BLOC1S5: variants seen among roughly 807,000 people sequenced by gnomAD.
BLOC1S5 encodes biogenesis of lysosomal organelles complex 1 subunit 5.
BLOC1S5 carries 27 observed loss-of-function variants against 24.3 expected under a neutral mutation model. That is an observed-to-expected ratio of 1.11 (90% confidence interval 0.82 to 1.53). The LOEUF is 1.53. Among genes scored for constraint, BLOC1S5 ranks in the 40% most tolerant of loss-of-function variants. The pLI is 0.00. For synonymous variants in BLOC1S5, 84 were observed against 74.5 expected, an observed-to-expected ratio of 1.13 and a Z score of -0.66; for missense variants, 239 against 229.4, an observed-to-expected ratio of 1.04 and a Z score of -0.27.
intron 2 of BLOC1S5, among the ~76,000 whole-genome samples, chr6:8,049,332 T>C (rs539877230): frequency 5.2e-4 from 78 of 150,684 alleles, no homozygotes; most frequent in African/African-American, 1.7e-3. Context: ...GATCGCGCCA[T>C]TGCACTCCAG....
intron 3 of BLOC1S5, among the ~76,000 whole-genome samples, chr6:8,039,448 T>A (rs1723680461): frequency 6.6e-6 from 1 of 152,196 alleles, no homozygotes; most frequent in South Asian, 2.1e-4. Flanking sequence ...ATAATTTGAA[T>A]GTTTTTAACA....
intron 4 of BLOC1S5, among the ~76,000 whole-genome samples, chr6:8,020,492 C>T (rs140531871): frequency 3.3e-4 from 51 of 152,330 alleles, no homozygotes; most frequent in African/African-American, 1.2e-3. Flanking sequence ...AATTCATTTC[C>T]CTAAGCTAGT....
At chr6:8,037,532 G>A (rs1763528141) in intron 3 of BLOC1S5, among the ~76,000 whole-genome samples, 1 of 152,226 alleles carries the variant, frequency 6.6e-6, no homozygotes, top group East Asian at 1.9e-4. Flanking sequence ...TGCCATTAAA[G>A]TGACAATAAT....
intron 2 of BLOC1S5, among the ~76,000 whole-genome samples, chr6:8,047,746 C>T (rs536248887): frequency 2.0e-5 from 3 of 152,104 alleles, no homozygotes; most frequent in African/African-American, 4.8e-5. Context: ...GTAAATTAGT[C>T]GTTAGAACTA....
chr6:8,053,548 C>T (rs1764205319), intron 2 of BLOC1S5, among the ~76,000 whole-genome samples: 1 of 152,200 alleles, frequency 6.6e-6, no homozygotes. Flanking sequence ...GCTTTTTAGA[C>T]ATAATGCTAC....
chr6:8,041,402 T>C, intron 2 of BLOC1S5, 134 bp from the exon 3 acceptor site: 1 of 823,904 alleles, frequency 1.2e-6, no homozygotes. Context: ...AACCTCCGCC[T>C]CCTGGGTTCA....
chr6:8,023,461 G>A (rs1762995104), intron 4 of BLOC1S5, among the ~76,000 whole-genome samples: 1 of 152,130 alleles, frequency 6.6e-6, no homozygotes, highest in African/African-American at 2.4e-5. Context: ...GTGGTGGCGT[G>A]CGCCTGTAAT....
At chr6:8,043,636 T>C (rs1323798788) in intron 2 of BLOC1S5, among the ~76,000 whole-genome samples, 1 of 152,236 alleles carries the variant, frequency 6.6e-6, no homozygotes, top group Non-Finnish European at 1.5e-5. Flanking sequence ...AAGGGGACTG[T>C]AATAGAAAAA....
intron 4 of BLOC1S5, among the ~76,000 whole-genome samples, chr6:8,024,925 A>G (rs1050721783): frequency 6.6e-5 from 10 of 152,244 alleles, no homozygotes; most frequent in Non-Finnish European, 1.0e-4. Flanking sequence ...CAGGGAAGCA[A>G]CACCAGACAT....
intron 2 of BLOC1S5, among the ~76,000 whole-genome samples, chr6:8,045,211 T>G (rs1046677672): frequency 1.3e-5 from 2 of 152,210 alleles, no homozygotes; most frequent in African/African-American, 4.8e-5. Flanking sequence ...GCTTGGGCTG[T>G]GAATTCAGAG....
intron 2 of BLOC1S5, among the ~76,000 whole-genome samples, chr6:8,044,093 C>T (rs1763786685): frequency 6.6e-6 from 1 of 151,942 alleles, no homozygotes; most frequent in Non-Finnish European, 1.5e-5. Flanking sequence ...ACAAGCCTGG[C>T]CAACACGGTG....
At chr6:8,039,713 T>C (rs1763614829) in intron 3 of BLOC1S5, among the ~76,000 whole-genome samples, 1 of 151,992 alleles carries the variant, frequency 6.6e-6, no homozygotes, top group African/African-American at 2.4e-5. Context: ...AATGAACAAA[T>C]TACTAGTGAG....
intron 2 of BLOC1S5, among the ~76,000 whole-genome samples, chr6:8,051,232 T>A (rs138234413): frequency 2.0e-5 from 3 of 149,464 alleles, no homozygotes; most frequent in Admixed American, 6.7e-5. Context: ...GATAAGAAAG[T>A]GAAACAGCCT....
At chr6:8,034,332 G>T (rs1009857501) in intron 3 of BLOC1S5, among the ~76,000 whole-genome samples, 2 of 152,116 alleles carry the variant, frequency 1.3e-5, no homozygotes, top group East Asian at 3.9e-4. Flanking sequence ...CTTTGCAGGG[G>T]CATGGATGAA....
intron 3 of BLOC1S5, among the ~76,000 whole-genome samples, chr6:8,030,071 C>T (rs1763245067): frequency 6.6e-6 from 1 of 152,122 alleles, no homozygotes; most frequent in African/African-American, 2.4e-5. Context: ...AACTCTCTGA[C>T]CAACAATGCA....
At chr6:8,019,427 C>T (rs1350681200) in intron 4 of BLOC1S5, among the ~76,000 whole-genome samples, 1 of 152,082 alleles carries the variant, frequency 6.6e-6, no homozygotes, top group South Asian at 2.1e-4. Flanking sequence ...CACCACCACA[C>T]CTGGACAATT....
intron 3 of BLOC1S5, among the ~76,000 whole-genome samples, chr6:8,038,465 T>C (rs1223119404): frequency 6.6e-6 from 1 of 152,032 alleles, no homozygotes; most frequent in African/African-American, 2.4e-5. Flanking sequence ...ATAGCATCTC[T>C]AGTTAAAATG....
At chr6:8,027,515 C>A (rs1468217196) in intron 3 of BLOC1S5, 1 of 446,184 alleles carries the variant, frequency 2.2e-6, no homozygotes, top group Non-Finnish European at 4.5e-6. Context: ...ATAATGATAA[C>A]CACTTAGAGT....
intron 1 of BLOC1S5, among the ~76,000 whole-genome samples, chr6:8,063,848 C>T (rs914933664): frequency 1.3e-5 from 2 of 152,196 alleles, no homozygotes; most frequent in African/African-American, 4.8e-5. Flanking sequence ...ACTCCTCGCA[C>T]GACCAGGAAC....
Sources: allele counts gnomAD v4.1 joint callset (sites outside exome capture counted in the v4.1 genomes callset), GRCh38; gene constraint gnomAD v4.1.1; transcripts MANE v1.5; gene names NCBI Gene and HGNC (gene_info 2026-07-23, HGNC 2026-07-21).